JMJD1C: variants seen among roughly 807,000 people sequenced by gnomAD.
JMJD1C encodes the protein jumonji domain containing 1C.
JMJD1C carries 31 observed loss-of-function variants against 245.3 expected under a neutral mutation model. The ratio of observed to expected loss-of-function variants is 0.13; its 90% CI spans 0.09 to 0.17. The LOEUF is 0.17. Among genes scored for constraint, JMJD1C ranks in the 10% least tolerant of loss-of-function variants. The pLI, the probability that JMJD1C is intolerant of heterozygous loss-of-function variation, is 1.00. For missense variants in JMJD1C, 2,691 were observed against 3,000.2 expected, an observed-to-expected ratio of 0.90 and a Z score of 2.41; for synonymous variants, 1,057 against 1,017.4, an observed-to-expected ratio of 1.04 and a Z score of -0.74.
intron 2 of JMJD1C, among the ~76,000 whole-genome samples, chr10:63,368,160 A>G (rs1480770183): frequency 6.6e-6 from 1 of 152,204 alleles, no homozygotes; most frequent in East Asian, 1.9e-4. Flanking sequence ...TCTGGACCCA[A>G]AAATTTCAAT....
At chr10:63,414,135 C>T (rs948806820) in intron 1 of JMJD1C, among the ~76,000 whole-genome samples, 2 of 151,702 alleles carry the variant, frequency 1.3e-5, no homozygotes, top group East Asian at 1.9e-4. Context: ...TGCAGGTGTC[C>T]GCCAACACGC....
Position 63,184,798 on chromosome 10 carries a change from C to T in JMJD1C, c.6831-60G>A. On this transcript the variant is annotated intron_variant, in intron 20 of 25. Coordinates refer to ENST00000399262, the MANE Select transcript of JMJD1C (RefSeq NM_032776.3). ...AGATTTGCATTGCTAAGTATTTTCA[C>T]ATATATAATTTTCAAGTTGTTCAAA... 5 of 1,480,388 alleles carry T rather than the reference C, an allele frequency of 3.4e-6. No individual in the cohort carries two copies. The South Asian group carries it at 5.1e-5, about 15-fold the overall frequency. The allele number at this position is 1,480,388 out of a possible 1,614,324, so 91.7% of individuals were successfully genotyped here. A position where few individuals can be genotyped will look rare whatever the true frequency, so the allele number is the denominator to read the frequency against.
chr10:63,215,269 G>C lies in JMJD1C; in HGVS notation c.1009C>G (p.Arg337Gly). ...AAAAAAAAGTGGGTCCTACCTCCTC[G>C]TGATATATAATCATATTTTTCCTCC... ...MKEEKYDYIS[R>G]GENPKGKNKH... Residue 337 changes from arginine (R) to glycine (G), a missense_variant, in exon 7 of 26, where the codon CGA (arginine) becomes GGA (glycine). Arg to Gly is a moderately radical substitution (Grantham distance 125, BLOSUM62 -2). Coordinates refer to ENST00000399262, the MANE Select transcript of JMJD1C (RefSeq NM_032776.3). 1 of 1,606,092 alleles carries C rather than the reference G, an allele frequency of 6.2e-7. No individual in the cohort carries two copies. The highest frequency in any genetic ancestry group is 8.5e-7 in the Non-Finnish European group (1 of 1,177,032).
At chr10:63,174,177 A>C (rs1842657973) in intron 24 of JMJD1C, among the ~76,000 whole-genome samples, 1 of 152,222 alleles carries the variant, frequency 6.6e-6, no homozygotes, top group Non-Finnish European at 1.5e-5. Context: ...AGGCAATCCC[A>C]CCATTCAGTA....
In JMJD1C at chr10:63,371,630, A is replaced by C. The variant is rs1429124922; in HGVS notation, c.333+8688T>G. Among the ~76,000 whole-genome samples, 4 of 152,188 alleles carry C rather than the reference A, an allele frequency of 2.6e-5. No homozygotes were observed. The East Asian group carries it at 7.7e-4, about 29-fold the overall frequency. Reference sequence around the variant, plus strand: ...ACTGTTTTTCAAGCATCGTTTCCTAAGACTAGAATTAATGAATCAAAGAGT... The same window carrying C: ...ACTGTTTTTCAAGCATCGTTTCCTACGACTAGAATTAATGAATCAAAGAGT... On this transcript the variant is annotated intron_variant, in intron 2 of 25. Coordinates refer to ENST00000399262, the MANE Select transcript of JMJD1C (RefSeq NM_032776.3).
chr10:63,418,576 T>C (rs1280808839), intron 1 of JMJD1C, among the ~76,000 whole-genome samples: 1 of 152,226 alleles, frequency 6.6e-6, no homozygotes, highest in Non-Finnish European at 1.5e-5. Flanking sequence ...AACCAGTTAA[T>C]ATTTTCTATG....
chr10:63,220,524 C>A (rs1848476490), intron 3 of JMJD1C, among the ~76,000 whole-genome samples: 1 of 152,224 alleles, frequency 6.6e-6, no homozygotes. Context: ...TTTCTTGAAA[C>A]TAGCGCCAAA....
chr10:63,233,260 C>G (rs1208355723), intron 3 of JMJD1C, among the ~76,000 whole-genome samples: 1 of 152,124 alleles, frequency 6.6e-6, no homozygotes, highest in Non-Finnish European at 1.5e-5. Flanking sequence ...CTCAACTGAG[C>G]ACCACTGTTT....
At chr10:63,380,093 C>A in intron 2 of JMJD1C, 1 of 499,112 alleles carries the variant, frequency 2.0e-6, no homozygotes, top group Non-Finnish European at 3.6e-6. Flanking sequence ...GTATGTGCCA[C>A]CACATCCAGC....
At chr10:63,365,903 T>C (rs974979275) in intron 2 of JMJD1C, among the ~76,000 whole-genome samples, 5 of 152,214 alleles carry the variant, frequency 3.3e-5, no homozygotes, top group Non-Finnish European at 7.3e-5. Context: ...CTGGCATGTC[T>C]TGGCTGATAC....
At chr10:63,371,687 C>G (rs1403050178) in intron 2 of JMJD1C, among the ~76,000 whole-genome samples, 4 of 149,318 alleles carry the variant, frequency 2.7e-5, no homozygotes, top group Non-Finnish European at 4.5e-5. Context: ...TAACATAATA[C>G]TTTCCAAAAG....
In JMJD1C at chr10:63,201,924, G is replaced by A. The variant is rs1037164464; in HGVS notation, c.5075-1247C>T. 1.2e-4 allele frequency among the ~76,000 whole-genome samples: 18 copies of A among 147,896 alleles called. No homozygotes were observed. The East Asian group carries it at 1.4e-3, about 11-fold the overall frequency. On this transcript the variant is annotated intron_variant, in intron 10 of 25. Coordinates refer to ENST00000399262, the MANE Select transcript of JMJD1C (RefSeq NM_032776.3). ...CAGCCTGGTGACAGAGCAAGACTCC[G>A]TCCAAAAAAAAAACAAAAGAGGAAA...
At chr10:63,414,512 CA>C (rs540211232) in intron 1 of JMJD1C, among the ~76,000 whole-genome samples, 64 of 152,114 alleles carry the variant, frequency 4.2e-4, no homozygotes, top group African/African-American at 1.4e-3. Flanking sequence ...GCACCGTGCT[CA>C]AAAGGTAACT....
At chr10:63,474,901 C>CA (rs1953611881) in intron 1 of JMJD1C, among the ~76,000 whole-genome samples, 1 of 150,816 alleles carries the variant, frequency 6.6e-6, no homozygotes, top group South Asian at 2.1e-4. Context: ...GAAAATGTGA[C>CA]AAATTGTTAA....
At chr10:63,308,298 A>G (rs1938581582) in intron 2 of JMJD1C, among the ~76,000 whole-genome samples, 1 of 152,206 alleles carries the variant, frequency 6.6e-6, no homozygotes, top group Non-Finnish European at 1.5e-5. Flanking sequence ...CCCTGAGGAA[A>G]GTAACCAGTC....
In JMJD1C at chr10:63,465,759, G is replaced by C. The variant is rs1027281898; in HGVS notation, c.-97C>G. 7.1e-7 allele frequency: 1 copy of C among 1,413,190 alleles called. No individual in the cohort carries two copies. The highest frequency in any genetic ancestry group is 9.8e-7 in the Non-Finnish European group (1 of 1,023,034). 87.5% of individuals were successfully genotyped at this position (1,413,190 alleles called of 1,614,324 possible). On this transcript the variant is annotated 5_prime_UTR_variant, in exon 1 of 26. Transcript: ENST00000399262. ...CGCTCATGCTGAGGAGAGCGGACCG[G>C]GACACAGCAGCGGACCCGAAAGAGC...
intron 3 of JMJD1C, among the ~76,000 whole-genome samples, chr10:63,220,838 G>T (rs1848515023): frequency 6.6e-6 from 1 of 152,086 alleles, no homozygotes; most frequent in African/African-American, 2.4e-5. Context: ...GCCGGGCGCG[G>T]TGGCTCACGC....
At position 63,228,600 on chromosome 10, in the gene JMJD1C, A is replaced by C. The variant is rs80011954; in HGVS notation, c.448-8617T>G. ...AGGTACAGTTTGCCTTTTCCTAATT[A>C]AAAACAACAAAACAGAACAACCAGT... On this transcript the variant is annotated intron_variant, in intron 3 of 25. Coordinates refer to ENST00000399262, the MANE Select transcript of JMJD1C (RefSeq NM_032776.3). 4.8e-3 allele frequency among the ~76,000 whole-genome samples: 726 copies of C among 152,326 alleles called. 6 individuals carry two copies. The highest frequency in any genetic ancestry group is 0.017 in the African/African-American group (713 of 41,584).
chr10:63,411,893 G>A (rs1378083317), intron 1 of JMJD1C, among the ~76,000 whole-genome samples: 3 of 149,360 alleles, frequency 2.0e-5, no homozygotes, highest in Non-Finnish European at 3.0e-5. Flanking sequence ...GTAAGCCACA[G>A]CGCCTGGCCC....
Sources: gnomAD v4.1 joint callset for allele counts (sites outside exome capture counted in the v4.1 genomes callset) on GRCh38, gnomAD v4.1.1 for gene constraint, MANE v1.5 for transcripts, NCBI Gene and HGNC (gene_info 2026-07-23, HGNC 2026-07-21) for gene names.